The following LRRC4C variants were observed in gnomAD, a reference collection of about 807,000 sequenced individuals.
LRRC4C encodes leucine rich repeat containing 4C.
LRRC4C carries 5 observed loss-of-function variants against 33.6 expected under a neutral mutation model. The ratio of observed to expected loss-of-function variants is 0.15; its 90% CI spans 0.08 to 0.31. The LOEUF (loss-of-function observed/expected upper bound fraction) is 0.31. Ranked by LOEUF, LRRC4C falls within the 10% of genes least tolerant of loss-of-function variation. The pLI, the probability that LRRC4C is intolerant of heterozygous loss-of-function variation, is 1.00. For synonymous variants in LRRC4C, 329 were observed against 302.0 expected, an observed-to-expected ratio of 1.09 and a Z score of -0.93; for missense variants, 560 against 796.7, an observed-to-expected ratio of 0.70 and a Z score of 3.58.
At chr11:40,758,055 A>G (rs182975626) in intron 2 of LRRC4C, among the ~76,000 whole-genome samples, 1 of 152,114 alleles carries the variant, frequency 6.6e-6, no homozygotes, top group African/African-American at 2.4e-5. Context: ...CGTTGTTGGA[A>G]GTTTATGTTG....
chr11:41,282,048 T>C (rs536475100), intron 1 of LRRC4C, among the ~76,000 whole-genome samples: 3 of 152,252 alleles, frequency 2.0e-5, no homozygotes, highest in Admixed American at 6.5e-5. Flanking sequence ...GGTAGAAAGG[T>C]CACACAAAAG....
intron 1 of LRRC4C, among the ~76,000 whole-genome samples, chr11:41,103,423 G>A (rs919444979): frequency 6.6e-6 from 1 of 151,786 alleles, no homozygotes; most frequent in Non-Finnish European, 1.5e-5. Context: ...CAGCATATAT[G>A]GATTGATATT....
intron 3 of LRRC4C, among the ~76,000 whole-genome samples, chr11:40,606,869 A>C (rs1960665249): frequency 6.6e-6 from 1 of 152,206 alleles, no homozygotes; most frequent in South Asian, 2.1e-4. Flanking sequence ...AATAGATTCC[A>C]ACTAACATTG....
intron 2 of LRRC4C, among the ~76,000 whole-genome samples, chr11:40,801,119 C>A (rs10837505): frequency 6.6e-6 from 1 of 152,156 alleles, no homozygotes; most frequent in East Asian, 1.9e-4. Flanking sequence ...GAATCACTCT[C>A]GCATAAAGAA....
Position 41,284,381 on chromosome 11 carries a change from C to T in LRRC4C, c.-496+175050G>A, listed in dbSNP as rs914116097. Among the ~76,000 whole-genome samples the T allele has an allele frequency of 1.0e-3, 153 of 152,304 alleles. 1 individual carries two copies. The highest frequency in any genetic ancestry group is 3.4e-3 in the African/African-American group (141 of 41,556). On this transcript the variant is annotated intron_variant, in intron 1 of 6. Transcript: ENST00000528697. ...TTCCTCCTCCTTCTGCTCCTTCATA[C>T]GCTCTCACACTTTTTTTACAATTAT...
chr11:40,825,412 T>A (rs1398927572), intron 2 of LRRC4C, among the ~76,000 whole-genome samples: 1 of 151,930 alleles, frequency 6.6e-6, no homozygotes, highest in Admixed American at 6.6e-5. Flanking sequence ...GAGTACTGCC[T>A]AGTTCCTCTC....
At chr11:40,707,092 C>T (rs965930758) in intron 2 of LRRC4C, among the ~76,000 whole-genome samples, 9 of 152,198 alleles carry the variant, frequency 5.9e-5, no homozygotes, top group Non-Finnish European at 1.2e-4. Flanking sequence ...AGTTGCTTAT[C>T]ATCTTAAGGA....
intron 5 of LRRC4C, among the ~76,000 whole-genome samples, chr11:40,181,580 A>G (rs1049592947): frequency 1.3e-5 from 2 of 152,234 alleles, no homozygotes; most frequent in African/African-American, 4.8e-5. Context: ...TGAAAGTCCT[A>G]GAGAGCTATG....
chr11:40,489,136 A>T (rs1191007523), intron 3 of LRRC4C, among the ~76,000 whole-genome samples: 2 of 152,062 alleles, frequency 1.3e-5, no homozygotes, highest in Admixed American at 6.6e-5. Context: ...ATCCCACTTC[A>T]TTATATCCCA....
chr11:41,125,887 A>G (rs936411343), intron 1 of LRRC4C, among the ~76,000 whole-genome samples: 4 of 152,168 alleles, frequency 2.6e-5, no homozygotes, highest in African/African-American at 9.7e-5. Context: ...TGCCAAATGA[A>G]TTTGTATATA....
At chr11:40,914,987 G>A (rs896528909) in intron 2 of LRRC4C, among the ~76,000 whole-genome samples, 5 of 152,036 alleles carry the variant, frequency 3.3e-5, no homozygotes, top group Non-Finnish European at 7.4e-5. Flanking sequence ...CCAACTTACA[G>A]GGGAAGTGAA....
At chr11:41,239,091 G>A (rs942429303) in intron 1 of LRRC4C, among the ~76,000 whole-genome samples, 2 of 150,302 alleles carry the variant, frequency 1.3e-5, no homozygotes, top group East Asian at 2.0e-4. Flanking sequence ...CGAGGCGGGC[G>A]GATCACGAGG....
chr11:40,486,689 T>C (rs16934881), intron 3 of LRRC4C, among the ~76,000 whole-genome samples: 6,243 of 152,126 alleles, frequency 0.041, 335 homozygotes, highest in African/African-American at 0.12. Context: ...ATACAACTTA[T>C]TTCCAACCTT....
At chr11:41,133,117 G>A (rs1332243630) in intron 1 of LRRC4C, among the ~76,000 whole-genome samples, 1 of 152,084 alleles carries the variant, frequency 6.6e-6, no homozygotes, top group Non-Finnish European at 1.5e-5. Flanking sequence ...AGATAAGAAA[G>A]GAACTAAACA....
intron 1 of LRRC4C, among the ~76,000 whole-genome samples, chr11:41,018,288 CTTTT>C (rs1393237720): frequency 6.6e-6 from 1 of 152,100 alleles, no homozygotes; most frequent in East Asian, 1.9e-4. Context: ...TTTCTTTTCT[CTTTT>C]TGTCAATTAA....
chr11:41,080,444 T>G (rs1255707306), intron 1 of LRRC4C, among the ~76,000 whole-genome samples: 1 of 146,880 alleles, frequency 6.8e-6, no homozygotes, highest in African/African-American at 2.5e-5. Context: ...CTCTGCCTCC[T>G]GGGTACAAGC....
chr11:41,315,197 G>A (rs983296989), intron 1 of LRRC4C, among the ~76,000 whole-genome samples: 1 of 152,152 alleles, frequency 6.6e-6, no homozygotes, highest in African/African-American at 2.4e-5. Context: ...GAGTTTTGTT[G>A]TCATCTGTGT....
At chr11:40,450,051 T>C (rs1021703427) in intron 3 of LRRC4C, among the ~76,000 whole-genome samples, 1 of 152,136 alleles carries the variant, frequency 6.6e-6, no homozygotes, top group Non-Finnish European at 1.5e-5. Context: ...CCACTAGCTG[T>C]GTTTATCATC....
chr11:40,936,398 C>T (rs1415248053), intron 1 of LRRC4C, among the ~76,000 whole-genome samples: 6 of 139,148 alleles, frequency 4.3e-5, no homozygotes, highest in Middle Eastern at 4.2e-3. Context: ...AGTGCAGTGG[C>T]GCGATCTCGG....
Sources: gnomAD v4.1 joint callset for allele counts (sites outside exome capture counted in the v4.1 genomes callset) on GRCh38, gnomAD v4.1.1 for gene constraint, MANE v1.5 for transcripts, NCBI Gene and HGNC (gene_info 2026-07-23, HGNC 2026-07-21) for gene names.